Variants in CECR2 observed in about 807,000 individuals in gnomAD.
CECR2 encodes the protein CECR2 histone acetyl-lysine reader.
In CECR2, 30 loss-of-function variants were observed where a neutral mutation model predicts 154.5. The ratio of observed to expected loss-of-function variants is 0.19; its 90% CI spans 0.15 to 0.26. The LOEUF (loss-of-function observed/expected upper bound fraction) is 0.26, where lower values mean the gene tolerates loss of function less well. Among genes scored for constraint, CECR2 ranks in the 10% least tolerant of loss-of-function variants. The pLI is 1.00. For synonymous variants in CECR2, 725 were observed against 683.7 expected (o/e 1.06, Z -0.94); for missense variants, 1,743 against 1,829.3 (o/e 0.95, Z 0.86).
intron 1 of CECR2, among the ~76,000 whole-genome samples, chr22:17,423,983 A>T (rs938690656): frequency 1.3e-5 from 2 of 152,142 alleles, no homozygotes; most frequent in African/African-American, 4.8e-5. Context: ...TTCCACCTTA[A>T]TATTTTCCAT....
intron 2 of CECR2, among the ~76,000 whole-genome samples, chr22:17,478,787 C>T (rs936396196): frequency 6.6e-6 from 1 of 152,178 alleles, no homozygotes; most frequent in African/African-American, 2.4e-5. Context: ...GGGTGGAAGT[C>T]TGCATTCTCT....
At chr22:17,381,663 T>G (rs929545505) in intron 1 of CECR2, among the ~76,000 whole-genome samples, 1 of 152,174 alleles carries the variant, frequency 6.6e-6, no homozygotes, top group Non-Finnish European at 1.5e-5. Flanking sequence ...GTCCCTGTTG[T>G]GCTGCTGCCC....
intron 1 of CECR2, among the ~76,000 whole-genome samples, chr22:17,423,449 G>T (rs1379181373): frequency 1.3e-5 from 2 of 151,976 alleles, no homozygotes; most frequent in Non-Finnish European, 2.9e-5. Flanking sequence ...GGAAGCTGCA[G>T]TGAGCCAAGA....
chr22:17,437,139 C>T (rs1031379819), intron 1 of CECR2, among the ~76,000 whole-genome samples: 17 of 152,238 alleles, frequency 1.1e-4, no homozygotes, highest in African/African-American at 3.9e-4. Context: ...GTTCTCTGCT[C>T]GAGTGTTAGT....
At chr22:17,375,184 GC>G (rs1382078050) in intron 1 of CECR2, among the ~76,000 whole-genome samples, 14 of 152,178 alleles carry the variant, frequency 9.2e-5, no homozygotes, top group Admixed American at 9.2e-4. Flanking sequence ...TGTGATCTCG[GC>G]TCACTGCAAC....
intron 9 of CECR2, among the ~76,000 whole-genome samples, chr22:17,534,258 C>G (rs1440864841): frequency 6.6e-6 from 1 of 152,010 alleles, no homozygotes; most frequent in African/African-American, 2.4e-5. Flanking sequence ...CACAGGAGTT[C>G]AAGGTTGCAG....
intron 2 of CECR2, among the ~76,000 whole-genome samples, chr22:17,483,376 A>G (rs1243889678): frequency 6.6e-6 from 1 of 152,234 alleles, no homozygotes; most frequent in Admixed American, 6.5e-5. Flanking sequence ...CCTGGGCAAC[A>G]TAGCAAGACT....
chr22:17,511,606 T>C (rs1007587611), intron 7 of CECR2, among the ~76,000 whole-genome samples: 7 of 152,010 alleles, frequency 4.6e-5, no homozygotes, highest in Admixed American at 4.6e-4. Flanking sequence ...GTCTCCAAGT[T>C]TTTGTTTTTA....
At chr22:17,491,516 C>T (rs937860919) in intron 2 of CECR2, among the ~76,000 whole-genome samples, 1 of 138,324 alleles carries the variant, frequency 7.2e-6, no homozygotes, top group Non-Finnish European at 1.5e-5. Flanking sequence ...CTTTTAGGCA[C>T]ATGAATTTGT....
At chr22:17,421,221 C>T (rs1172135106) in intron 1 of CECR2, among the ~76,000 whole-genome samples, 1 of 152,120 alleles carries the variant, frequency 6.6e-6, no homozygotes, top group Non-Finnish European at 1.5e-5. Flanking sequence ...GTGGCTCACA[C>T]CTGTGATCCC....
intron 1 of CECR2, among the ~76,000 whole-genome samples, chr22:17,461,229 T>C (rs1248677788): frequency 6.6e-6 from 1 of 152,230 alleles, no homozygotes; most frequent in Admixed American, 6.5e-5. Context: ...GAGTTTATTC[T>C]TTTTTATCCA....
At chr22:17,527,300 A>G (rs1356657407) in intron 9 of CECR2, among the ~76,000 whole-genome samples, 2 of 152,016 alleles carry the variant, frequency 1.3e-5, no homozygotes, top group East Asian at 3.9e-4. Context: ...TCTACAAAAA[A>G]TACAAAAATT....
rs566116632 is a variant in CECR2 at position 17,553,866 on chromosome 22, C to T, written c.*1026C>T. 6.6e-6 allele frequency: 1 copy of T among 152,146 alleles called. No individual in the cohort carries two copies. Among genetic ancestry groups the T allele is most frequent in the Admixed American group, 6.5e-5 (1 of 15,280 alleles). 9.4% of individuals were successfully genotyped at this position (152,146 alleles called of 1,614,324 possible). A position where few individuals can be genotyped will look rare whatever the true frequency, so the allele number is the denominator to read the frequency against. Reference sequence around the variant, plus strand: ...AGGCATCACACACAGCTTTCTGGCACGAATCACATTTTGTGGAAGTGACTA... The same window carrying T: ...AGGCATCACACACAGCTTTCTGGCATGAATCACATTTTGTGGAAGTGACTA... On this transcript the variant is annotated 3_prime_UTR_variant, in exon 19 of 19. Transcript: ENST00000262608.
chr22:17,394,197 CTTTTTTTT>C (rs71200271), intron 1 of CECR2, among the ~76,000 whole-genome samples: 3 of 97,088 alleles, frequency 3.1e-5, no homozygotes, highest in African/African-American at 8.4e-5. Context: ...GCTGCCGCTG[CTTTTTTTT>C]TTTTTTTTTT....
intron 2 of CECR2, among the ~76,000 whole-genome samples, chr22:17,481,008 C>G (rs2055302072): frequency 7.1e-6 from 1 of 141,382 alleles, no homozygotes; most frequent in African/African-American, 2.6e-5. Context: ...CCATTGCACT[C>G]CAGCGTGGGC....
In CECR2 at chr22:17,503,241, C is replaced by G. The variant is rs540498470; in HGVS notation, c.700+110C>G. 1.3e-4 allele frequency: 119 copies of G among 931,216 alleles called. No homozygotes were observed. In the African/African-American group the frequency reaches 1.8e-3, roughly 14 times the overall value. 57.7% of individuals were successfully genotyped at this position (931,216 alleles called of 1,614,324 possible). On this transcript the variant is annotated intron_variant, in intron 6 of 18. Coordinates refer to ENST00000262608, the MANE Select transcript of CECR2 (RefSeq NM_001290047.2). ...ACAAAGTAAAGGTTATTGCAATAGC[C>G]TTTTACCTACCCCCTGTACTCTTCT...
intron 1 of CECR2, among the ~76,000 whole-genome samples, chr22:17,464,715 G>A (rs1010221415): frequency 7.2e-5 from 11 of 151,908 alleles, no homozygotes; most frequent in Non-Finnish European, 1.6e-4. Flanking sequence ...TTGCCAGGCT[G>A]GTCTTAAACT....
chr22:17,367,364 AAACGCAGT>A (rs941559839), upstream of CECR2, among the ~76,000 whole-genome samples: 2 of 152,084 alleles, frequency 1.3e-5, no homozygotes, highest in Non-Finnish European at 2.9e-5. Context: ...AAAGGCAGGG[AAACGCAGT>A]AACACTTTTT....
intron 1 of CECR2, among the ~76,000 whole-genome samples, chr22:17,415,653 C>T (rs1352982564): frequency 6.6e-6 from 1 of 151,278 alleles, no homozygotes; most frequent in Non-Finnish European, 1.5e-5. Context: ...AAGCCTCCGA[C>T]AGGAAAACCT....
Sources: allele counts gnomAD v4.1 joint callset (sites outside exome capture counted in the v4.1 genomes callset), GRCh38; gene constraint gnomAD v4.1.1; transcripts MANE v1.5; gene names NCBI Gene and HGNC (gene_info 2026-07-23, HGNC 2026-07-21).